DAB1: variants seen among roughly 807,000 people sequenced by gnomAD.
DAB1 encodes the protein DAB adaptor protein 1, also known as disabled homolog 1.
DAB1 carries 15 observed loss-of-function variants against 64.6 expected under a neutral mutation model. The observed-to-expected ratio is 0.23, with a 90% CI of 0.16 to 0.36. The LOEUF (loss-of-function observed/expected upper bound fraction) is 0.36, where lower values mean the gene tolerates loss of function less well. DAB1 is among the 10% of genes least tolerant of loss of function. DAB1 has a pLI of 1.00. For synonymous variants in DAB1, 235 were observed against 251.9 expected, an observed-to-expected ratio of 0.93 and a Z score of 0.64; for missense variants, 596 against 706.7, an observed-to-expected ratio of 0.84 and a Z score of 1.78.
intron 7 of DAB1, among the ~76,000 whole-genome samples, chr1:57,623,582 A>G (rs1312709697): frequency 6.6e-6 from 1 of 152,134 alleles, no homozygotes; most frequent in African/African-American, 2.4e-5. Context: ...TGATATTGTT[A>G]GGCTCTGTAA....
rs759711872 is a variant in DAB1 at position 57,124,955 on chromosome 1, T to G, written c.306+11588A>C. ...CTCCCACCCCCCAACCCCGGCCTCA[T>G]GCCTCATGTTCTTTGCTTTGTGTGG... On this transcript the variant is annotated intron_variant, in intron 4 of 14. Coordinates refer to ENST00000371236, the MANE Select transcript of DAB1 (RefSeq NM_001365792.1). Among the ~76,000 whole-genome samples, 62 of 139,564 alleles carry G rather than the reference T, an allele frequency of 4.4e-4. No homozygotes were observed. In the Admixed American group the frequency reaches 4.5e-3, roughly 10 times the overall value. 91.6% of individuals were successfully genotyped at this position (139,564 alleles called of 152,430 possible).
chr1:58,207,265 T>C (rs1261205699), intron 4 of DAB1, among the ~76,000 whole-genome samples: 1 of 152,190 alleles, frequency 6.6e-6, no homozygotes, highest in Admixed American at 6.5e-5. Context: ...TATGCAGCAA[T>C]AGCTAACTGG....
chr1:58,490,104 C>T (rs187533684), intron 3 of DAB1, among the ~76,000 whole-genome samples: 69 of 152,278 alleles, frequency 4.5e-4, no homozygotes, highest in South Asian at 4.3e-3. Context: ...ATGACTTTGA[C>T]GAGTTGAGAG....
intron 3 of DAB1, among the ~76,000 whole-genome samples, chr1:58,400,303 G>A (rs1030768638): frequency 1.4e-4 from 22 of 151,738 alleles, no homozygotes; most frequent in Non-Finnish European, 8.8e-5. Context: ...GAATCTCTGG[G>A]GCCACCTCTC....
Position 57,304,567 on chromosome 1 carries a change from C to T in DAB1, c.-136-13401G>A, listed in dbSNP as rs116643346. Among the ~76,000 whole-genome samples, 643 of 152,286 alleles carry T rather than the reference C, an allele frequency of 4.2e-3. 5 individuals are homozygous for T. The highest frequency in any genetic ancestry group is 0.014 in the African/African-American group (597 of 41,566). On this transcript the variant is annotated intron_variant, in intron 1 of 14. Transcript: ENST00000371236. Reference sequence around the variant, plus strand: ...AATCTCTTGAAGTCTTTGAGCCTCCCTTTCTACCTCTGTAAAGCAGGGAAA... The same window carrying T: ...AATCTCTTGAAGTCTTTGAGCCTCCTTTTCTACCTCTGTAAAGCAGGGAAA...
At chr1:57,161,170 A>G (rs1660707453) in intron 2 of DAB1, among the ~76,000 whole-genome samples, 1 of 152,164 alleles carries the variant, frequency 6.6e-6, no homozygotes, top group South Asian at 2.1e-4. Flanking sequence ...GAGAGTCTGA[A>G]AGAGTCTTGA....
In DAB1 at chr1:57,465,944, C is replaced by A. The variant is rs577326586; in HGVS notation, n.626-174778G>T. ...TCATTGAGTTTCAATGTTTTATATG[C>A]CAGCTGACATCATGATGCACTAAGT... On this transcript the variant is annotated intron_variant and non_coding_transcript_variant, in intron 7 of 20. Coordinates refer to the DAB1 transcript ENST00000485760. 3.9e-5 allele frequency among the ~76,000 whole-genome samples: 6 copies of A among 152,274 alleles called. No homozygotes were observed. The South Asian group carries it at 1.2e-3, about 32-fold the overall frequency.
intron 3 of DAB1, among the ~76,000 whole-genome samples, chr1:58,499,483 T>TAGATAGATAGAC (rs1157032663): frequency 1.4e-5 from 2 of 147,292 alleles, no homozygotes; most frequent in African/African-American, 5.2e-5. Flanking sequence ...AGACTATAGA[T>TAGATAGATAGAC]AGATAGATAG....
chr1:57,568,825 T>C (rs1243536670), intron 7 of DAB1, among the ~76,000 whole-genome samples: 2 of 152,142 alleles, frequency 1.3e-5, no homozygotes, highest in African/African-American at 4.8e-5. Context: ...TTTACACTGT[T>C]GGTGGGACTG....
intron 1 of DAB1, chr1:57,387,024 C>T (rs1236056267): frequency 1.3e-5 from 2 of 152,148 alleles, no homozygotes; most frequent in African/African-American, 4.8e-5. Flanking sequence ...GTCAGTCTAA[C>T]CCTGTTTTCT....
chr1:58,072,189 T>C (rs1649318547), intron 5 of DAB1, among the ~76,000 whole-genome samples: 1 of 152,122 alleles, frequency 6.6e-6, no homozygotes. Flanking sequence ...CTTTATACTT[T>C]TTTCACACCC....
intron 1 of DAB1, among the ~76,000 whole-genome samples, chr1:57,870,586 G>GA (rs1330026102): frequency 2.6e-5 from 4 of 152,074 alleles, no homozygotes. Flanking sequence ...TAGCTGTTAT[G>GA]AAAAATGAAT....
At chr1:57,085,209 G>A (rs1203521369) in intron 4 of DAB1, among the ~76,000 whole-genome samples, 1 of 152,190 alleles carries the variant, frequency 6.6e-6, no homozygotes, top group Middle Eastern at 3.2e-3. Context: ...TGAGGCTGAT[G>A]GCCAGTCTGA....
intron 4 of DAB1, among the ~76,000 whole-genome samples, chr1:58,296,242 A>AAAGAAAG (rs1447067927): frequency 6.6e-6 from 1 of 151,366 alleles, no homozygotes; most frequent in African/African-American, 2.4e-5. Context: ...AGAAAGAAAG[A>AAAGAAAG]AAGAAAGAAA....
At chr1:57,142,757 C>T (rs1029384180) in intron 3 of DAB1, among the ~76,000 whole-genome samples, 10 of 152,038 alleles carry the variant, frequency 6.6e-5, no homozygotes, top group Non-Finnish European at 1.3e-4. Flanking sequence ...TCAGTGTTTC[C>T]AAGAAGGCAG....
intron 3 of DAB1, among the ~76,000 whole-genome samples, chr1:58,431,473 G>T (rs555269867): frequency 4.0e-5 from 6 of 148,756 alleles, no homozygotes; most frequent in Admixed American, 1.4e-4. Flanking sequence ...CAGGAGAATC[G>T]CTTGAACCCG....
chr1:57,681,003 C>T (rs1041923867), intron 6 of DAB1, among the ~76,000 whole-genome samples: 9 of 152,126 alleles, frequency 5.9e-5, no homozygotes, highest in African/African-American at 2.2e-4. Flanking sequence ...TTTCCTAGGG[C>T]TAAGATAAGA....
chr1:58,223,200 A>T (rs899721761), intron 4 of DAB1, among the ~76,000 whole-genome samples: 2 of 152,222 alleles, frequency 1.3e-5, no homozygotes, highest in African/African-American at 4.8e-5. Flanking sequence ...TAGAACTCAG[A>T]TTTTGAACAC....
chr1:58,349,261 G>A (rs1465044563), intron 3 of DAB1, among the ~76,000 whole-genome samples: 1 of 152,174 alleles, frequency 6.6e-6, no homozygotes, highest in East Asian at 1.9e-4. Context: ...CTCAGTGCCT[G>A]AGATACTGAA....
Sources: gnomAD v4.1 joint callset for allele counts (sites outside exome capture counted in the v4.1 genomes callset) on GRCh38, gnomAD v4.1.1 for gene constraint, MANE v1.5 for transcripts, NCBI Gene and HGNC (gene_info 2026-07-23, HGNC 2026-07-21) for gene names.